CSPP1: variants seen among roughly 807,000 people sequenced by gnomAD.
CSPP1 encodes centrosome and spindle pole-associated protein 1.
Under a neutral mutation model 164.4 loss-of-function variants are expected in CSPP1, and 126 were observed. The observed-to-expected ratio is 0.77, with a 90% confidence interval of 0.66 to 0.89. The LOEUF (loss-of-function observed/expected upper bound fraction) is 0.89. Ranked by LOEUF, CSPP1 falls within the 40% of genes least tolerant of loss-of-function variation. The pLI is 0.00. For synonymous variants in CSPP1, 472 were observed against 476.7 expected, an observed-to-expected ratio of 0.99 and a Z score of 0.13; for missense variants, 1,395 against 1,449.8, an observed-to-expected ratio of 0.96 and a Z score of 0.61.
chr8:67,182,177 A>AT (rs1009562501), intron 28 of CSPP1, among the ~76,000 whole-genome samples: 2 of 151,872 alleles, frequency 1.3e-5, no homozygotes, highest in Non-Finnish European at 2.9e-5. Context: ...TAATTTTTGT[A>AT]TTTTTTGTAG....
chr8:67,111,937 A>C, intron 9 of CSPP1, 35 bp from the exon 10 acceptor site: 1 of 1,315,654 alleles, frequency 7.6e-7, no homozygotes, highest in Non-Finnish European at 1.1e-6. Context: ...GATGCTTAAG[A>C]GTTAAGATTG....
At chr8:67,160,920 A>G (rs62513122) in intron 21 of CSPP1, among the ~76,000 whole-genome samples, 145 of 152,156 alleles carry the variant, frequency 9.5e-4, no homozygotes, top group Non-Finnish European at 1.7e-3. Flanking sequence ...TCCGCCTCCC[A>G]GGTTCAAGTG....
rs758825560 is a variant in CSPP1, at chr8:67,190,727, C to T, written c.3298C>T (p.Arg1100Cys). 1.3e-5 allele frequency: 21 copies of T among 1,613,236 alleles called. No individual in the cohort carries two copies. Among genetic ancestry groups the T allele is most frequent in the South Asian group, 4.4e-5 (4 of 91,068 alleles). Residue 1100 changes from arginine to cysteine, a missense_variant, in exon 29 of 31, where the codon CGC (arginine) becomes TGC (cysteine). Transcript: ENST00000678616. ...PPSQLPSARE[R>C]RRNKWKGLDI... is the part of the protein sequence containing the mutation. ...ATCACAGTTGCCCTCTGCACGGGAG[C>T]GCAGGAGGAACAAATGGAAAGGACT... is the stretch of plus-strand genomic sequence containing the variant.
chr8:67,095,566 G>C lies in CSPP1; in HGVS notation c.757G>C (p.Ala253Pro), dbSNP rs771943937. The stretch of plus-strand genomic sequence containing the variant: ...AAAACATCAAAGGTTTGCAAGCAAG[G>C]CTGGCATTCCAGATAGAAGATTTCA... ...NLKHQRFASK[A>P]GIPDRRFHRF... Residue 253 changes from alanine (A) to proline (P), a missense_variant, in exon 7 of 31, where the codon GCT becomes CCT. By Grantham distance (27) the Ala-to-Pro change is conservative. Transcript: ENST00000678616. 8.7e-6 allele frequency: 14 copies of C among 1,613,900 alleles called. No individual in the cohort carries two copies. Among genetic ancestry groups the C allele is most frequent in the East Asian group, 6.7e-5 (3 of 44,848 alleles).
In CSPP1 at chr8:67,163,805, T is replaced by C; in HGVS notation, c.2710+7T>C. 6.2e-7 allele frequency: 1 copy of C among 1,601,024 alleles called. No homozygotes were observed. Among genetic ancestry groups the C allele is most frequent in the Non-Finnish European group, 8.6e-7 (1 of 1,168,630 alleles). ...AATCAGCTCCGTGCAGAAGGTAGAG[T>C]TAACTACTAAACCTGTTACCTAGAG... On this transcript the variant is annotated splice_region_variant and intron_variant, in intron 23 of 30. Coordinates refer to ENST00000678616, the MANE Select transcript of CSPP1 (RefSeq NM_001382391.1).
At chr8:67,191,512 C>T (rs1252007171) in intron 29 of CSPP1, among the ~76,000 whole-genome samples, 10 of 152,160 alleles carry the variant, frequency 6.6e-5, no homozygotes, top group Non-Finnish European at 1.3e-4. Context: ...CTGGACATTT[C>T]GTATAAATGA....
chr8:67,175,525 G>A (rs1291932568), intron 26 of CSPP1, 89 bp downstream of exon 26: 2 of 1,484,420 alleles, frequency 1.3e-6, no homozygotes, highest in South Asian at 1.2e-5. Context: ...TTCATTCCCA[G>A]GCATCCTCCT....
At chr8:67,096,494 G>C (rs1812803996) in intron 7 of CSPP1, among the ~76,000 whole-genome samples, 1 of 151,890 alleles carries the variant, frequency 6.6e-6, no homozygotes, top group South Asian at 2.1e-4. Flanking sequence ...GAACCCGGGA[G>C]GCAGAGGTTG....
At chr8:67,074,745 T>C in intron 2 of CSPP1, 1 of 282,232 alleles carries the variant, frequency 3.5e-6, no homozygotes, top group South Asian at 3.2e-5. Context: ...ATTTATTTTG[T>C]ACTATTTGTG....
At chr8:67,097,247 G>A (rs190263240) in intron 7 of CSPP1, among the ~76,000 whole-genome samples, 13 of 152,172 alleles carry the variant, frequency 8.5e-5, no homozygotes, top group Middle Eastern at 3.4e-3. Flanking sequence ...AAATGTTTTC[G>A]GGGTAGTGCT....
chr8:67,181,690 A>G (rs1227298178), intron 28 of CSPP1, among the ~76,000 whole-genome samples: 1 of 152,226 alleles, frequency 6.6e-6, no homozygotes, highest in African/African-American at 2.4e-5. Context: ...ACACATAAAC[A>G]TAACATTTAC....
Position 67,122,876 on chromosome 8 carries a change from G to C in CSPP1, c.1697+4055G>C, listed in dbSNP as rs1054005184. ...GTGTTCTGATATACAGTCTTGCTCTGTGTGTGTGTGTGTGTGTGTTTGTGT... is the reference window on the plus strand; with the variant it reads ...GTGTTCTGATATACAGTCTTGCTCTCTGTGTGTGTGTGTGTGTGTTTGTGT... On this transcript the variant is annotated intron_variant, in intron 15 of 30. Transcript: ENST00000678616. Among the ~76,000 whole-genome samples, 58 of 146,552 alleles carry C rather than the reference G, an allele frequency of 4.0e-4. 1 individual carries two copies. The highest frequency in any genetic ancestry group is 4.8e-4 in the Non-Finnish European group (32 of 66,168).
intron 24 of CSPP1, among the ~76,000 whole-genome samples, chr8:67,168,246 A>AG (rs1015368831): frequency 2.8e-5 from 4 of 144,480 alleles, no homozygotes; most frequent in Non-Finnish European, 4.5e-5. Flanking sequence ...AGATGGCAGC[A>AG]GTACAGTCCA....
At chr8:67,143,025 T>A (rs1823808528) in intron 17 of CSPP1, among the ~76,000 whole-genome samples, 1 of 152,146 alleles carries the variant, frequency 6.6e-6, no homozygotes, top group Non-Finnish European at 1.5e-5. Flanking sequence ...TTAACCTAGA[T>A]ACAGTGCCGA....
intron 17 of CSPP1, among the ~76,000 whole-genome samples, chr8:67,149,116 C>T (rs376938435): frequency 6.6e-6 from 1 of 152,042 alleles, no homozygotes; most frequent in Non-Finnish European, 1.5e-5. Flanking sequence ...GCTCAGGAGG[C>T]CTTAGTTCCT....
At chr8:67,170,224 C>T (rs901262888) in intron 24 of CSPP1, among the ~76,000 whole-genome samples, 6 of 151,102 alleles carry the variant, frequency 4.0e-5, no homozygotes, top group Non-Finnish European at 7.4e-5. Context: ...GCGGATGGAT[C>T]ACCTGAGGTC....
chr8:67,066,105 A>C (rs1386190143), intron 1 of CSPP1, among the ~76,000 whole-genome samples: 2 of 152,200 alleles, frequency 1.3e-5, no homozygotes, highest in Non-Finnish European at 2.9e-5. Flanking sequence ...TACTGCCGTT[A>C]ATCACCATTA....
chr8:67,194,235 A>G (rs1162954279), intron 30 of CSPP1, among the ~76,000 whole-genome samples: 2 of 152,234 alleles, frequency 1.3e-5, no homozygotes, highest in South Asian at 4.1e-4. Flanking sequence ...CATATTGGTA[A>G]TAATAATAGT....
In CSPP1 at chr8:67,193,485, GC is replaced by G. The variant is rs780113316; in HGVS notation, c.3353del (p.Ala1118AspfsTer7). On this transcript the variant is annotated frameshift_variant, in exon 30 of 31. Coordinates refer to ENST00000678616, the MANE Select transcript of CSPP1 (RefSeq NM_001382391.1). LOFTEE classifies it high-confidence loss of function. ...LDIDSSRPNVAPDGLSLKSIS... is the reference protein window; with the variant it reads ...LDIDSSRPNVXPDGLSLKSIS... ...ACAGGATAGCAGTCGTCCTAATGTA[GC>G]ACCAGATGGTCTCTCTCTAAAATCT... The G allele has an allele frequency of 6.2e-7, 1 of 1,613,252 alleles. No individual in the cohort carries two copies. The highest frequency in any genetic ancestry group is 8.5e-7 in the Non-Finnish European group (1 of 1,179,254).
Sources: allele counts gnomAD v4.1 joint callset (sites outside exome capture counted in the v4.1 genomes callset), GRCh38; gene constraint gnomAD v4.1.1; transcripts MANE v1.5; gene names NCBI Gene and HGNC (gene_info 2026-07-23, HGNC 2026-07-21).